Variants in PDCD11 observed in about 807,000 individuals in gnomAD.
PDCD11 encodes programmed cell death 11.
PDCD11 carries 97 observed loss-of-function variants against 198.9 expected under a neutral mutation model. The ratio of observed to expected loss-of-function variants is 0.49; its 90% CI spans 0.41 to 0.58. The LOEUF (loss-of-function observed/expected upper bound fraction) is 0.58. Ranked by LOEUF, PDCD11 falls within the 20% of genes least tolerant of loss-of-function variation. The pLI, the probability that PDCD11 is intolerant of heterozygous loss-of-function variation, is 0.00. For synonymous variants in PDCD11, 893 were observed against 918.0 expected, an observed-to-expected ratio of 0.97 and a Z score of 0.49; for missense variants, 2,102 against 2,312.7, an observed-to-expected ratio of 0.91 and a Z score of 1.87.
chr10:103,421,504 C>T lies in PDCD11; in HGVS notation c.2434C>T (p.Leu812Phe), dbSNP rs1458752650. 3.8e-6 allele frequency: 6 copies of T among 1,589,998 alleles called. No individual in the cohort carries two copies. The highest frequency in any genetic ancestry group is 1.3e-5 in the African/African-American group (1 of 74,700). ...CGLGDLAITS[L>F]LLLNQCLEEL... ...TCTGGGGGACTTGGCTATCACCAGC[C>T]TCCTCCTCCTGAATCAGTGCCTGGA... is the stretch of plus-strand genomic sequence containing the variant. The change falls in exon 17 of 36, where the codon CTC (leucine) becomes TTC (phenylalanine). Residue 812 changes from leucine to phenylalanine, a missense_variant. By Grantham distance (22) the Leu-to-Phe change is conservative. Coordinates refer to ENST00000369797, the MANE Select transcript of PDCD11 (RefSeq NM_014976.2).
rs2032342673 is a variant in PDCD11, at chr10:103,440,599, G to A, written c.4440+18G>A. On this transcript the variant is annotated intron_variant, in intron 29 of 35. Coordinates refer to ENST00000369797, the MANE Select transcript of PDCD11 (RefSeq NM_014976.2). ...GTGAGCAGGTGAGGTCCTGCGGAGGGCTGTGGCTGCCTATCCTCCTCCTGG... is the reference window on the plus strand; with the variant it reads ...GTGAGCAGGTGAGGTCCTGCGGAGGACTGTGGCTGCCTATCCTCCTCCTGG... 6.2e-7 allele frequency: 1 copy of A among 1,608,662 alleles called. No homozygotes were observed. The highest frequency in any genetic ancestry group is 1.1e-5 in the South Asian group (1 of 90,672).
intron 26 of PDCD11, 151 bp from the exon 27 acceptor site, chr10:103,438,535 G>T: frequency 9.7e-7 from 1 of 1,032,774 alleles, no homozygotes; most frequent in Non-Finnish European, 1.4e-6. Context: ...AAGATGTTAG[G>T]AGAGAGTAGA....
In PDCD11 at chr10:103,437,449, A is replaced by G. The variant is rs909043678; in HGVS notation, c.3846-566A>G. On this transcript the variant is annotated intron_variant, in intron 25 of 35. Transcript: ENST00000369797. Reference sequence around the variant, plus strand: ...GTGAGCCACTACACCTGGCCCCAACACCCTTGTTAGGTAAGAAGAGTAGGT... The same window carrying G: ...GTGAGCCACTACACCTGGCCCCAACGCCCTTGTTAGGTAAGAAGAGTAGGT... 5.3e-4 allele frequency among the ~76,000 whole-genome samples: 81 copies of G among 151,702 alleles called. 1 individual carries two copies. Among genetic ancestry groups the G allele is most frequent in the African/African-American group, 1.7e-3 (70 of 41,382 alleles).
intron 14 of PDCD11, 59 bp from the exon 15 acceptor site, chr10:103,418,381 G>T: frequency 7.1e-7 from 1 of 1,405,018 alleles, no homozygotes; most frequent in South Asian, 1.3e-5. Flanking sequence ...GCCTAATCCA[G>T]ACCAGGTTGT....
chr10:103,444,221 A>T, intron 34 of PDCD11, 153 bp downstream of exon 34: 1 of 682,142 alleles, frequency 1.5e-6, no homozygotes. Context: ...ATAACAGTGC[A>T]TGTTAAATTT....
chr10:103,435,669 C>T (rs1039184686), intron 25 of PDCD11, among the ~76,000 whole-genome samples: 7 of 152,118 alleles, frequency 4.6e-5, no homozygotes, highest in Non-Finnish European at 8.8e-5. Context: ...TGCGCCATGA[C>T]GCCTGGCTAA....
At chr10:103,402,859 G>C (rs978868643) in intron 3 of PDCD11, among the ~76,000 whole-genome samples, 5 of 152,046 alleles carry the variant, frequency 3.3e-5, no homozygotes, top group African/African-American at 9.7e-5. Flanking sequence ...ACTCACCTCC[G>C]AGTACCTGCG....
In PDCD11 at chr10:103,440,514, AACAGCCCCAGAAGCC is replaced by A; in HGVS notation, c.4378_4392del (p.Pro1460_Gln1464del). 1 of 1,613,666 alleles carries A rather than the reference AACAGCCCCAGAAGCC, an allele frequency of 6.2e-7. No homozygotes were observed. The highest frequency in any genetic ancestry group is 8.5e-7 in the Non-Finnish European group (1 of 1,179,978). On this transcript the variant is annotated inframe_deletion, in exon 29 of 36. Coordinates refer to ENST00000369797, the MANE Select transcript of PDCD11 (RefSeq NM_014976.2). Reference sequence around the variant, plus strand: ...GTGGAGATGCCCAGCAAGGAGAAGCAACAGCCCCAGAAGCCACAGGCGCAGAAGCGGGGCGGGCGG... The same window carrying A: ...GTGGAGATGCCCAGCAAGGAGAAGCAACAGGCGCAGAAGCGGGGCGGGCGG...
At position 103,425,219 on chromosome 10, in the gene PDCD11, A is replaced by T. The variant is rs754287342; in HGVS notation, c.2999A>T (p.Lys1000Met). The change falls in exon 20 of 36, where the codon AAG becomes ATG. Residue 1000 changes from lysine (K) to methionine (M), a missense_variant. By Grantham distance (95) the Lys-to-Met change is moderately conservative (BLOSUM62 -1). Transcript: ENST00000369797. ...LLLAVEGPAA[K>M]RTMRPTQKDS... Reference sequence around the variant, plus strand: ...TTGGCTGTGGAGGGGCCGGCTGCCAAGAGGACCATGAGGCCGACCCAGAAG... The same window carrying T: ...TTGGCTGTGGAGGGGCCGGCTGCCATGAGGACCATGAGGCCGACCCAGAAG... The T allele has an allele frequency of 9.3e-6, 15 of 1,614,050 alleles. 1 individual carries two copies. In the South Asian group the frequency reaches 1.6e-4, roughly 18 times the overall value.
chr10:103,415,028 A>G lies in PDCD11; in HGVS notation c.1395A>G (p.Ser465=), dbSNP rs139826001. Reference sequence around the variant, plus strand: ...AGGGCACAGTGCTAACCATAAAGTCATATGGGATGCTGGTGAAGGTGGGCG... The same window carrying G: ...AGGGCACAGTGCTAACCATAAAGTCGTATGGGATGCTGGTGAAGGTGGGCG... ...VVKGTVLTIK[S]YGMLVKVGEQ... The change falls in exon 12 of 36, where the codon TCA becomes TCG. Residue 465 remains serine (S), a synonymous_variant. Coordinates refer to ENST00000369797, the MANE Select transcript of PDCD11 (RefSeq NM_014976.2). The G allele has an allele frequency of 2.5e-4, 410 of 1,614,148 alleles. 4 individuals carry two copies. In the Middle Eastern group the frequency reaches 0.013, roughly 53 times the overall value.
At chr10:103,436,495 G>A (rs188763863) in intron 25 of PDCD11, among the ~76,000 whole-genome samples, 11 of 152,358 alleles carry the variant, frequency 7.2e-5, no homozygotes, top group African/African-American at 2.4e-4. Context: ...CTTGGAGGCA[G>A]AGACTGGAAA....
Position 103,406,076 on chromosome 10 carries a change from A to C in PDCD11, c.656A>C (p.Lys219Thr), listed in dbSNP as rs759186339. 6.2e-7 allele frequency: 1 copy of C among 1,614,204 alleles called. No individual in the cohort carries two copies. Among genetic ancestry groups the C allele is most frequent in the East Asian group, 2.2e-5 (1 of 44,892 alleles). ...DGTRAFLPLL[K>T]AQEYIRQKNK... ...ACCAGAGCTTTTCTGCCACTGCTGA[A>C]AGCCCAGGAGTACATCAGACAGAAG... Residue 219 changes from lysine (K) to threonine (T), a missense_variant, in exon 6 of 36, where the codon AAA (lysine) becomes ACA (threonine). Lys to Thr is a moderately conservative substitution (Grantham distance 78). Coordinates refer to ENST00000369797, the MANE Select transcript of PDCD11 (RefSeq NM_014976.2).
chr10:103,410,230 A>G (rs1295736853), intron 8 of PDCD11, among the ~76,000 whole-genome samples: 7 of 150,698 alleles, frequency 4.6e-5, no homozygotes, highest in Admixed American at 3.3e-4. Flanking sequence ...GCGAGACTCC[A>G]TCTCAAAAAA....
At chr10:103,433,388 C>T (rs1026138349) in intron 22 of PDCD11, among the ~76,000 whole-genome samples, 7 of 151,946 alleles carry the variant, frequency 4.6e-5, no homozygotes, top group Non-Finnish European at 7.4e-5. Flanking sequence ...TCCCAGCTAC[C>T]CTGGAGGCTG....
At chr10:103,417,683 A>G (rs1227121904) in intron 13 of PDCD11, 109 bp from the exon 14 acceptor site, 3 of 1,192,986 alleles carry the variant, frequency 2.5e-6, no homozygotes, top group Non-Finnish European at 2.4e-6. Flanking sequence ...ATCTGATCCA[A>G]AGGCTCGGTA....
In PDCD11 at chr10:103,434,321, C is replaced by G. The variant is rs746478820; in HGVS notation, c.3638C>G (p.Ser1213Cys). The G allele has an allele frequency of 6.2e-7, 1 of 1,612,694 alleles. No homozygotes were observed. Among genetic ancestry groups the G allele is most frequent in the East Asian group, 2.2e-5 (1 of 44,878 alleles). ...GCCACCGTTGTTGGCCCAGATTCCTCCAAGACCCTCTTATGTCTGTCCCTC... is the reference window on the plus strand; with the variant it reads ...GCCACCGTTGTTGGCCCAGATTCCTGCAAGACCCTCTTATGTCTGTCCCTC... Reference protein sequence around the residue: ...LRATVVGPDSSKTLLCLSLTG... With the variant: ...LRATVVGPDSCKTLLCLSLTG... The change falls in exon 24 of 36, where the codon TCC (serine) becomes TGC (cysteine). Residue 1213 changes from serine to cysteine, a missense_variant. Coordinates refer to ENST00000369797, the MANE Select transcript of PDCD11 (RefSeq NM_014976.2).
At chr10:103,411,343 T>C (rs745414380) in intron 8 of PDCD11, among the ~76,000 whole-genome samples, 7 of 152,184 alleles carry the variant, frequency 4.6e-5, no homozygotes, top group Non-Finnish European at 8.8e-5. Context: ...TTTTAAATAG[T>C]AATGTGTGCT....
intron 21 of PDCD11, 144 bp downstream of exon 21, chr10:103,427,535 GA>G: frequency 1.5e-6 from 1 of 656,866 alleles, no homozygotes; most frequent in Non-Finnish European, 2.6e-6. Context: ...CTCTAGTGGG[GA>G]TATTTGGTTC....
chr10:103,400,666 T>A, intron 3 of PDCD11, 138 bp downstream of exon 3: 1 of 811,848 alleles, frequency 1.2e-6, no homozygotes, highest in Non-Finnish European at 1.9e-6. Context: ...CGTGTGTGTG[T>A]AGAGATGCTT....
Sources: allele counts gnomAD v4.1 joint callset (sites outside exome capture counted in the v4.1 genomes callset), GRCh38; gene constraint gnomAD v4.1.1; transcripts MANE v1.5; gene names NCBI Gene and HGNC (gene_info 2026-07-23, HGNC 2026-07-21).